NAV3: variants seen among roughly 807,000 people sequenced by gnomAD.
The protein encoded by NAV3 is pore membrane and/or filament interacting like protein 1.
In NAV3, 87 loss-of-function variants were observed where a neutral mutation model predicts 244.7. The ratio of observed to expected loss-of-function variants is 0.36; its 90% CI spans 0.30 to 0.42. The LOEUF (loss-of-function observed/expected upper bound fraction) is 0.42. Among genes scored for constraint, NAV3 ranks in the 20% least tolerant of loss-of-function variants. The pLI, the probability that NAV3 is intolerant of heterozygous loss-of-function variation, is 1.00. For synonymous variants in NAV3, 1,126 were observed against 1,042.2 expected, an observed-to-expected ratio of 1.08 and a Z score of -1.55; for missense variants, 2,663 against 2,893.3, an observed-to-expected ratio of 0.92 and a Z score of 1.83.
chr12:77,739,926 T>C (rs930443960), intron 2 of NAV3, among the ~76,000 whole-genome samples: 2 of 152,170 alleles, frequency 1.3e-5, no homozygotes, highest in Non-Finnish European at 2.9e-5. Flanking sequence ...CACACAGTAA[T>C]TTTTTCGCTA....
chr12:77,735,830 G>A (rs935055603), intron 2 of NAV3, among the ~76,000 whole-genome samples: 32 of 152,082 alleles, frequency 2.1e-4, no homozygotes, highest in East Asian at 3.9e-4. Context: ...ACATAAATGC[G>A]CAACACACCA....
At chr12:78,100,770 G>T (rs764154228) in intron 12 of NAV3, among the ~76,000 whole-genome samples, 7 of 152,000 alleles carry the variant, frequency 4.6e-5, no homozygotes, top group Non-Finnish European at 8.8e-5. Flanking sequence ...CCTTTTGCCT[G>T]CTGTACTTGT....
In NAV3 at chr12:78,210,597, C is replaced by T; in HGVS notation, c.*80C>T. The T allele has an allele frequency of 3.3e-6, 5 of 1,527,610 alleles. No individual in the cohort carries two copies. Among genetic ancestry groups the T allele is most frequent in the Non-Finnish European group, 4.4e-6 (5 of 1,131,400 alleles). 94.6% of individuals were successfully genotyped at this position (1,527,610 alleles called of 1,614,324 possible). On this transcript the variant is annotated 3_prime_UTR_variant, in exon 40 of 40. Coordinates refer to ENST00000397909, the MANE Select transcript of NAV3 (RefSeq NM_001024383.2). ...AAAGGTATTTTCACTAAACCACTGC[C>T]AGTATAAAAGCACCCTGTCAAGGGC...
chr12:77,575,880 C>A (rs1212819776), intron 2 of NAV3, among the ~76,000 whole-genome samples: 2 of 152,062 alleles, frequency 1.3e-5, no homozygotes, highest in African/African-American at 4.8e-5. Flanking sequence ...CACAAAGGTG[C>A]AAAAAGTATT....
chr12:77,574,031 A>T (rs1463854274), intron 2 of NAV3, among the ~76,000 whole-genome samples: 5 of 152,306 alleles, frequency 3.3e-5, no homozygotes, highest in South Asian at 4.1e-4. Flanking sequence ...ACTAATAGTA[A>T]TAGAATTTAG....
chr12:78,014,221 G>C (rs1875799285), intron 8 of NAV3, among the ~76,000 whole-genome samples: 2 of 152,060 alleles, frequency 1.3e-5, no homozygotes, highest in Admixed American at 6.6e-5. Flanking sequence ...GAGTTATGCT[G>C]TTTTGAAGTC....
At chr12:77,704,470 A>G (rs1875700449) in intron 2 of NAV3, among the ~76,000 whole-genome samples, 2 of 152,186 alleles carry the variant, frequency 1.3e-5, no homozygotes, top group Admixed American at 6.5e-5. Flanking sequence ...TGATATCCAA[A>G]ATAGTATTGT....
At chr12:78,078,402 TTTTTTTTTTTTG>T (rs1953167572) in intron 12 of NAV3, among the ~76,000 whole-genome samples, 7 of 88,078 alleles carry the variant, frequency 7.9e-5, no homozygotes, top group African/African-American at 1.8e-4. Flanking sequence ...TTTTTTTTTT[TTTTTTTTTTTTG>T]AGACGGAGTC....
At chr12:77,713,270 G>A (rs1389223784) in intron 2 of NAV3, among the ~76,000 whole-genome samples, 1 of 152,138 alleles carries the variant, frequency 6.6e-6, no homozygotes, top group African/African-American at 2.4e-5. Context: ...AAGTATTTGT[G>A]TTTCTCTCCA....
intron 24 of NAV3, among the ~76,000 whole-genome samples, chr12:78,170,427 C>G (rs1026552617): frequency 3.3e-5 from 5 of 151,620 alleles, no homozygotes; most frequent in African/African-American, 4.8e-5. Context: ...CTCTCCTGAA[C>G]CATGACCACA....
intron 9 of NAV3, among the ~76,000 whole-genome samples, chr12:78,032,506 T>G (rs945710769): frequency 1.3e-5 from 2 of 152,216 alleles, no homozygotes; most frequent in African/African-American, 2.4e-5. Context: ...TCTCCAAAAT[T>G]TTTAAGTACG....
intron 2 of NAV3, among the ~76,000 whole-genome samples, chr12:77,653,744 C>T (rs1482095483): frequency 5.3e-5 from 8 of 152,076 alleles, no homozygotes; most frequent in Non-Finnish European, 1.2e-4. Flanking sequence ...ACATAATGCT[C>T]TATCTTTATA....
rs1873686623 is a variant in NAV3, at chr12:77,831,523, A to G, written c.62A>G (p.His21Arg). ...RQPAVGSKPV[H>R]TALPIPNLGT... ...CCAGCTGTTGGGTCAAAGCCTGTGC[A>G]TACTGCTCTTCCGATACCAAATCTT... is the stretch of plus-strand genomic sequence containing the variant. The change falls in exon 1 of 40, where the codon CAT becomes CGT. Residue 21 changes from histidine to arginine, a missense_variant. By Grantham distance (29) the His-to-Arg change is conservative (BLOSUM62 0). Coordinates refer to ENST00000397909, the MANE Select transcript of NAV3 (RefSeq NM_001024383.2). 1 of 1,613,986 alleles carries G rather than the reference A, an allele frequency of 6.2e-7. No individual in the cohort carries two copies. The highest frequency in any genetic ancestry group is 8.5e-7 in the Non-Finnish European group (1 of 1,180,004).
intron 1 of NAV3, among the ~76,000 whole-genome samples, chr12:77,916,266 G>A (rs370234566): frequency 1.8e-4 from 27 of 151,992 alleles, no homozygotes; most frequent in Non-Finnish European, 3.7e-4. Flanking sequence ...TTATTTGAAA[G>A]ACATTGGAAA....
intron 2 of NAV3, among the ~76,000 whole-genome samples, chr12:77,741,146 G>GACAAAAAAAAAAAAAAAAAAAAAAAAAAA (rs1868322130): frequency 1.4e-4 from 1 of 7,370 alleles, no homozygotes; most frequent in African/African-American, 4.4e-4. Context: ...AAAAAAAAAA[G>GACAAAAAAAAAAAAAAAAAAAAAAAAAAA]ACAAAAAAAA....
chr12:77,655,920 C>T (rs1183176075), intron 2 of NAV3, among the ~76,000 whole-genome samples: 2 of 144,366 alleles, frequency 1.4e-5, no homozygotes, highest in Non-Finnish European at 3.0e-5. Context: ...GAGATTTTGT[C>T]ACCACCAGGC....
At chr12:78,201,210 C>T (rs911540702) in intron 38 of NAV3, among the ~76,000 whole-genome samples, 19 of 151,282 alleles carry the variant, frequency 1.3e-4, no homozygotes, top group African/African-American at 4.6e-4. Context: ...AGTATAGGCA[C>T]ACACCACCAC....
chr12:77,701,428 T>C (rs1226089910), intron 2 of NAV3, among the ~76,000 whole-genome samples: 1 of 151,884 alleles, frequency 6.6e-6, no homozygotes, highest in African/African-American at 2.4e-5. Flanking sequence ...ATTTTCTCTT[T>C]CTTCTTGATC....
intron 12 of NAV3, among the ~76,000 whole-genome samples, chr12:78,082,405 A>T (rs994531083): frequency 6.6e-6 from 1 of 152,204 alleles, no homozygotes; most frequent in Admixed American, 6.5e-5. Context: ...CCGTTTTGAA[A>T]ATATCTGTGC....
Sources: allele counts gnomAD v4.1 joint callset (sites outside exome capture counted in the v4.1 genomes callset), GRCh38; gene constraint gnomAD v4.1.1; transcripts MANE v1.5; gene names NCBI Gene and HGNC (gene_info 2026-07-23, HGNC 2026-07-21).